The following TNFSF4 variants were observed in gnomAD, a reference collection of about 807,000 sequenced individuals.
TNFSF4 encodes tumor necrosis factor ligand superfamily member 4.
Under a neutral mutation model 7.3 loss-of-function variants are expected in TNFSF4, and 4 were observed. The ratio of observed to expected loss-of-function variants is 0.55; its 90% CI spans 0.27 to 1.25. The LOEUF (loss-of-function observed/expected upper bound fraction) is 1.25. Among genes scored for constraint, TNFSF4 ranks in the 50% most tolerant of loss-of-function variants. The pLI is 0.12. For synonymous variants in TNFSF4, 76 were observed against 83.7 expected (o/e 0.91, Z 0.50); for missense variants, 181 against 208.8 (o/e 0.87, Z 0.82).
chr1:173,196,298 C>T (rs1261886977), intron 1 of TNFSF4, among the ~76,000 whole-genome samples: 2 of 152,156 alleles, frequency 1.3e-5, no homozygotes, highest in East Asian at 3.9e-4. Flanking sequence ...AGATGTGTGG[C>T]TTTGAAAACC....
chr1:173,378,696 G>A, the TNFSF4 span, among the ~76,000 whole-genome samples: 55 of 152,178 alleles, frequency 3.6e-4, 1 homozygote, highest in East Asian at 9.1e-3. Context: ...TCTTTTCATC[G>A]AGGGAGAATA....
At chr1:173,257,553 A>G in the TNFSF4 span, among the ~76,000 whole-genome samples, 4 of 152,368 alleles carry the variant, frequency 2.6e-5, no homozygotes, top group Middle Eastern at 3.4e-3. Context: ...TAGATAACTT[A>G]TTAGCACAAT....
At chr1:173,201,178 A>G (rs1301798962) in intron 1 of TNFSF4, among the ~76,000 whole-genome samples, 1 of 150,954 alleles carries the variant, frequency 6.6e-6, no homozygotes, top group Non-Finnish European at 1.5e-5. Context: ...ACGTAATTTT[A>G]GATCTCTGAA....
chr1:173,417,211 C>T, the TNFSF4 span, among the ~76,000 whole-genome samples: 1,201 of 152,226 alleles, frequency 7.9e-3, 18 homozygotes, highest in African/African-American at 0.028. Flanking sequence ...GGTTTGGGGC[C>T]GAGCCCCACT....
upstream of TNFSF4, among the ~76,000 whole-genome samples, chr1:173,209,370 T>A (rs1032938942): frequency 2.0e-5 from 3 of 152,214 alleles, no homozygotes; most frequent in Non-Finnish European, 4.4e-5. Context: ...ATTAGAGTTA[T>A]CATTGCTGAC....
the TNFSF4 span, among the ~76,000 whole-genome samples, chr1:173,340,956 T>C: frequency 1.3e-5 from 2 of 152,170 alleles, no homozygotes; most frequent in Non-Finnish European, 2.9e-5. Flanking sequence ...GGTAATTAAA[T>C]CATGAGAGGA....
the TNFSF4 span, among the ~76,000 whole-genome samples, chr1:173,392,173 C>CT: frequency 6.6e-6 from 1 of 152,172 alleles, no homozygotes; most frequent in South Asian, 2.1e-4. Flanking sequence ...AGCTCTGTGT[C>CT]TAACTTGTTA....
the TNFSF4 span, among the ~76,000 whole-genome samples, chr1:173,385,040 T>G: frequency 6.6e-6 from 1 of 152,230 alleles, no homozygotes; most frequent in African/African-American, 2.4e-5. Flanking sequence ...TACTAATTTT[T>G]TTAAGTAAAT....
the TNFSF4 span, among the ~76,000 whole-genome samples, chr1:173,412,967 G>A: frequency 6.6e-6 from 1 of 152,228 alleles, no homozygotes; most frequent in East Asian, 1.9e-4. Flanking sequence ...ACTCACTCCT[G>A]CATCCAAGGG....
chr1:173,232,416 A>G, the TNFSF4 span, among the ~76,000 whole-genome samples: 1 of 152,208 alleles, frequency 6.6e-6, no homozygotes, highest in African/African-American at 2.4e-5. Context: ...ATCTGCAAAC[A>G]GGGACAATTT....
At chr1:173,212,740 T>C in the TNFSF4 span, among the ~76,000 whole-genome samples, 11 of 152,142 alleles carry the variant, frequency 7.2e-5, no homozygotes, top group African/African-American at 2.7e-4. Flanking sequence ...GGATATCCCA[T>C]TCTCCATGAT....
chr1:173,324,476 G>A, the TNFSF4 span, among the ~76,000 whole-genome samples: 12 of 152,056 alleles, frequency 7.9e-5, no homozygotes, highest in African/African-American at 2.4e-4. Flanking sequence ...AATAACCAGC[G>A]AACATCATAA....
the TNFSF4 span, chr1:173,417,757 TCCC>T: frequency 6.6e-6 from 1 of 152,002 alleles, no homozygotes; most frequent in Non-Finnish European, 1.5e-5. Flanking sequence ...CACACACCAC[TCCC>T]TTTTCAGGAA....
the TNFSF4 span, among the ~76,000 whole-genome samples, chr1:173,386,210 C>A: frequency 6.6e-6 from 1 of 152,226 alleles, no homozygotes; most frequent in African/African-American, 2.4e-5. Flanking sequence ...CTGTTCCCCA[C>A]ATTCTGGTGC....
At chr1:173,250,449 T>A in the TNFSF4 span, among the ~76,000 whole-genome samples, 1 of 149,428 alleles carries the variant, frequency 6.7e-6, no homozygotes, top group African/African-American at 2.4e-5. Context: ...TCCAGTTTCA[T>A]TTTTTGTTTT....
At chr1:173,355,988 C>T in the TNFSF4 span, among the ~76,000 whole-genome samples, 1 of 152,244 alleles carries the variant, frequency 6.6e-6, no homozygotes, top group Non-Finnish European at 1.5e-5. Context: ...TCTATGACCA[C>T]TATGCTGGCC....
chr1:173,352,588 T>C, the TNFSF4 span, among the ~76,000 whole-genome samples: 3 of 152,150 alleles, frequency 2.0e-5, no homozygotes, highest in South Asian at 2.1e-4. Context: ...AGAGATCACA[T>C]GCTTCAAGGG....
chr1:173,336,656 T>C, the TNFSF4 span, among the ~76,000 whole-genome samples: 23 of 152,272 alleles, frequency 1.5e-4, 1 homozygote, highest in African/African-American at 5.5e-4. Context: ...GGATATCACA[T>C]TCGTCCATTA....
the TNFSF4 span, among the ~76,000 whole-genome samples, chr1:173,216,229 G>A: frequency 1.3e-5 from 2 of 152,018 alleles, no homozygotes; most frequent in African/African-American, 4.8e-5. Context: ...CCCCTTACAT[G>A]GGCATCTACC....
Sources: gnomAD v4.1 joint callset for allele counts (sites outside exome capture counted in the v4.1 genomes callset) on GRCh38, gnomAD v4.1.1 for gene constraint, MANE v1.5 for transcripts, NCBI Gene and HGNC (gene_info 2026-07-23, HGNC 2026-07-21) for gene names.